The following TGFBR3 variants were observed in gnomAD, a reference collection of about 807,000 sequenced individuals.
TGFBR3 encodes the protein transforming growth factor beta receptor type 3.
TGFBR3 carries 46 observed loss-of-function variants against 87.9 expected under a neutral mutation model. The ratio of observed to expected loss-of-function variants is 0.52; its 90% CI spans 0.41 to 0.67. The LOEUF (loss-of-function observed/expected upper bound fraction) is 0.67. Among genes scored for constraint, TGFBR3 ranks in the 30% least tolerant of loss-of-function variants. TGFBR3 has a pLI of 0.00. For missense variants in TGFBR3, 866 were observed against 1,041.9 expected (o/e 0.83, Z 2.32); for synonymous variants, 381 against 391.6 (o/e 0.97, Z 0.32).
chr1:91,766,326 C>T (rs1008574035), intron 3 of TGFBR3: 1 of 151,704 alleles, frequency 6.6e-6, no homozygotes, highest in Non-Finnish European at 1.5e-5. Flanking sequence ...GTGAGCCACA[C>T]AGTACCTAGC....
At chr1:91,685,451 T>C (rs943468578) in intron 16 of TGFBR3, among the ~76,000 whole-genome samples, 1 of 151,124 alleles carries the variant, frequency 6.6e-6, no homozygotes, top group Non-Finnish European at 1.5e-5. Flanking sequence ...GCCTCCCGAG[T>C]ACCTGGGACT....
chr1:91,887,969 T>C (rs143646593), upstream of TGFBR3, among the ~76,000 whole-genome samples: 16 of 152,328 alleles, frequency 1.1e-4, no homozygotes, highest in South Asian at 8.3e-4. Context: ...GTATTTGATA[T>C]GGTTTGGCTG....
chr1:91,760,952 T>G (rs1463941648), intron 3 of TGFBR3, among the ~76,000 whole-genome samples: 2 of 152,130 alleles, frequency 1.3e-5, no homozygotes, highest in Non-Finnish European at 2.9e-5. Flanking sequence ...ACCTGAAAAC[T>G]GCAAAGCAAC....
chr1:91,827,357 C>A (rs1445742319), intron 2 of TGFBR3, among the ~76,000 whole-genome samples: 1 of 152,156 alleles, frequency 6.6e-6, no homozygotes, highest in Non-Finnish European at 1.5e-5. Context: ...AAAAGGGGTC[C>A]ATTATCAGTG....
At chr1:91,784,883 C>G (rs1439617516) in intron 3 of TGFBR3, among the ~76,000 whole-genome samples, 1 of 152,196 alleles carries the variant, frequency 6.6e-6, no homozygotes, top group African/African-American at 2.4e-5. Flanking sequence ...CAGCCTACCC[C>G]CTTCATTGTC....
rs951286339 is a variant in TGFBR3, at chr1:91,840,818, T to C, written c.61+20653A>G. 7.3e-5 allele frequency among the ~76,000 whole-genome samples: 11 copies of C among 151,362 alleles called. No homozygotes were observed. In the East Asian group the frequency reaches 2.1e-3, roughly 29 times the overall value. ...ACAGGTTCACTTTGTTCATTTTCTT[T>C]TTTTTTTTTGAAATGGAGTTTCACT... On this transcript the variant is annotated intron_variant, in intron 2 of 16. Transcript: ENST00000212355.
chr1:91,837,397 C>T (rs1378614910), intron 2 of TGFBR3, among the ~76,000 whole-genome samples: 3 of 152,116 alleles, frequency 2.0e-5, no homozygotes, highest in Non-Finnish European at 4.4e-5. Context: ...AGGCATGCAC[C>T]ATCACGCCTG....
chr1:91,701,326 C>T (rs574586417), intron 14 of TGFBR3, among the ~76,000 whole-genome samples: 2 of 152,112 alleles, frequency 1.3e-5, no homozygotes, highest in South Asian at 4.2e-4. Flanking sequence ...TTTCTCTTCC[C>T]GAATCCCTAA....
intron 3 of TGFBR3, among the ~76,000 whole-genome samples, chr1:91,774,283 G>A (rs1005142714): frequency 1.3e-5 from 2 of 151,878 alleles, no homozygotes; most frequent in East Asian, 1.9e-4. Context: ...GAGTACAGAC[G>A]TGCGCCACCA....
At chr1:91,757,516 A>G (rs1673789289) in intron 4 of TGFBR3, among the ~76,000 whole-genome samples, 1 of 152,216 alleles carries the variant, frequency 6.6e-6, no homozygotes, top group Non-Finnish European at 1.5e-5. Flanking sequence ...TGCTAGATTT[A>G]GCATCTGTTG....
intron 6 of TGFBR3, among the ~76,000 whole-genome samples, chr1:91,728,373 G>A (rs1238818289): frequency 2.6e-5 from 4 of 152,028 alleles, no homozygotes; most frequent in Admixed American, 6.6e-5. Flanking sequence ...CTACAGAATC[G>A]TATCTGCATT....
At position 91,841,471 on chromosome 1, in the gene TGFBR3, G is replaced by A. The variant is rs1018734977; in HGVS notation, c.61+20000C>T. 5.3e-5 allele frequency among the ~76,000 whole-genome samples: 8 copies of A among 152,128 alleles called. 1 individual carries two copies. The East Asian group carries it at 1.5e-3, about 29-fold the overall frequency. ...ATCCAATATTGCTCTTATACAATTA[G>A]AGCAGTGTTAACCCAATCTTGGAAT... On this transcript the variant is annotated intron_variant, in intron 2 of 16. Coordinates refer to ENST00000212355, the MANE Select transcript of TGFBR3 (RefSeq NM_003243.5).
chr1:91,743,696 T>C (rs1027458796), intron 4 of TGFBR3, among the ~76,000 whole-genome samples: 17 of 152,356 alleles, frequency 1.1e-4, no homozygotes, highest in Admixed American at 3.3e-4. Context: ...ATTTGTTTGA[T>C]AAATAAAACA....
Position 91,722,069 on chromosome 1 carries a change from G to A in TGFBR3, c.961C>T (p.Pro321Ser), listed in dbSNP as rs879188907. The A allele has an allele frequency of 2.5e-6, 4 of 1,613,902 alleles. No homozygotes were observed. In the South Asian group the frequency reaches 4.4e-5, roughly 18 times the overall value. Reference sequence around the variant, plus strand: ...TTCACCAGATTCCCTTGGGTTGAAGGAATGTCATCTCTTATTGATTTGGTC... The same window carrying A: ...TTCACCAGATTCCCTTGGGTTGAAGAAATGTCATCTCTTATTGATTTGGTC... ...TMTKSIRDDI[P>S]STQGNLVKWA... is the part of the protein sequence containing the mutation. Residue 321 changes from proline to serine, a missense_variant, in exon 8 of 17, where the codon CCT becomes TCT. Transcript: ENST00000212355.
chr1:91,787,913 G>A (rs910327839), intron 3 of TGFBR3, among the ~76,000 whole-genome samples: 15 of 149,008 alleles, frequency 1.0e-4, no homozygotes, highest in African/African-American at 3.6e-4. Context: ...ACTCCAGCCT[G>A]GGCGACAGAG....
chr1:91,697,141 A>G (rs1257799353), intron 15 of TGFBR3, among the ~76,000 whole-genome samples: 1 of 152,200 alleles, frequency 6.6e-6, no homozygotes, highest in Non-Finnish European at 1.5e-5. Context: ...TTAGAAGATG[A>G]TTTGCCTTTT....
chr1:91,882,085 C>T (rs1679105942), intron 1 of TGFBR3, among the ~76,000 whole-genome samples: 1 of 148,020 alleles, frequency 6.8e-6, no homozygotes, highest in South Asian at 2.1e-4. Flanking sequence ...ACATAATACG[C>T]AAGAAACAAG....
intron 2 of TGFBR3, among the ~76,000 whole-genome samples, chr1:91,895,238 T>C (rs1679530159): frequency 6.6e-6 from 1 of 152,148 alleles, no homozygotes; most frequent in South Asian, 2.1e-4. Context: ...ATCATACCCT[T>C]GGTATTGTCC....
chr1:91,717,875 T>A (rs1013759614), intron 10 of TGFBR3, among the ~76,000 whole-genome samples: 2 of 27,836 alleles, frequency 7.2e-5, no homozygotes, highest in Non-Finnish European at 2.7e-4. Flanking sequence ...AGCAACTGAC[T>A]TTTTTTTTTT....
Sources: gnomAD v4.1 joint callset for allele counts (sites outside exome capture counted in the v4.1 genomes callset) on GRCh38, gnomAD v4.1.1 for gene constraint, MANE v1.5 for transcripts, NCBI Gene and HGNC (gene_info 2026-07-23, HGNC 2026-07-21) for gene names.